BRCA1: variants seen among roughly 807,000 people sequenced by gnomAD.
BRCA1 encodes BRCA1 DNA repair associated, also known as breast cancer type 1 susceptibility protein.
A neutral mutation model predicts 173.7 loss-of-function variants in BRCA1; 140 were observed. That is an observed-to-expected ratio of 0.81 (90% CI 0.70 to 0.93). The LOEUF is 0.93. Ranked by LOEUF, BRCA1 falls within the 40% of genes least tolerant of loss-of-function variation. The probability of loss-of-function intolerance (pLI) is 0.00; values close to 1 mark genes in which losing one functional copy is unlikely to be tolerated. For missense variants in BRCA1, 1,983 were observed against 2,172.5 expected (o/e 0.91, Z 1.73); for synonymous variants, 662 against 756.0 (o/e 0.88, Z 2.04).
At position 43,093,569 on chromosome 17, in the gene BRCA1, CTTTT is replaced by C. The variant is rs80357522; in HGVS notation, c.1958_1961del (p.Lys653SerfsTer47). On this transcript the variant is annotated frameshift_variant, in exon 10 of 23. Coordinates refer to ENST00000357654, the MANE Select transcript of BRCA1 (RefSeq NM_007294.4). LOFTEE classifies it high-confidence loss of function. ...TGTGCCTGACTGGCATTTGGTTGTA[CTTTT>C]TTTTCTTTATCTCTTCACTGCTAGA... 6.2e-7 allele frequency: 1 copy of C among 1,613,678 alleles called. No individual in the cohort carries two copies. The highest frequency in any genetic ancestry group is 1.3e-5 in the African/African-American group (1 of 74,876).
chr17:43,091,000 T>C lies in BRCA1; in HGVS notation c.4129A>G (p.Ser1377Gly), dbSNP rs730881491. Residue 1377 changes from serine (S) to glycine (G), a missense_variant, in exon 11 of 23, where the codon AGC becomes GGC. Ser to Gly is a moderately conservative substitution (Grantham distance 56). Coordinates refer to ENST00000357654, the MANE Select transcript of BRCA1 (RefSeq NM_007294.4). ...EAASGCESET[S>G]VSEDCSGLSS... ...AGCCCTGAGCAGTCTTCAGAGACGCTTGTTTCACTCTCACACCCAGATGCT... is the reference window on the plus strand; with the variant it reads ...AGCCCTGAGCAGTCTTCAGAGACGCCTGTTTCACTCTCACACCCAGATGCT... 2.5e-6 allele frequency: 4 copies of C among 1,612,854 alleles called. No homozygotes were observed. In the African/African-American group the frequency reaches 5.3e-5, roughly 22 times the overall value.
chr17:43,128,815 C>T (rs1014611999), upstream of BRCA1, among the ~76,000 whole-genome samples: 2 of 133,354 alleles, frequency 1.5e-5, no homozygotes, highest in Non-Finnish European at 3.1e-5. Flanking sequence ...TTTCAGGCCA[C>T]ACTTTTTTTT....
chr17:43,070,781 A>G (rs1204841697), intron 15 of BRCA1, 147 bp downstream of exon 15: 7 of 926,916 alleles, frequency 7.6e-6, no homozygotes, highest in Non-Finnish European at 1.1e-5. Flanking sequence ...ATTTTCAGAA[A>G]TTAGTAATCG....
chr17:43,099,335 A>T (rs775090053), intron 7 of BRCA1, among the ~76,000 whole-genome samples: 16 of 148,136 alleles, frequency 1.1e-4, no homozygotes, highest in Non-Finnish European at 2.1e-4. Context: ...CAATGGTGCG[A>T]TCTCGGTTCA....
At position 43,092,115 on chromosome 17, in the gene BRCA1, C is replaced by A. The variant is rs80357228; in HGVS notation, c.3416G>T (p.Ser1139Ile). Residue 1139 changes from serine to isoleucine, a missense_variant, in exon 10 of 23, where the codon AGT (serine) becomes ATT (isoleucine). Physicochemically the swap from Ser to Ile is moderately radical, Grantham distance 142. Transcript: ENST00000357654. ...ISDNLEQPMG[S>I]SHASQVCSET... Reference sequence around the variant, plus strand: ...AGAACAAACCTGAGATGCATGACTACTTCCCATAGGCTGTTCTAAGTTATC... The same window carrying A: ...AGAACAAACCTGAGATGCATGACTAATTCCCATAGGCTGTTCTAAGTTATC... 17 of 1,613,920 alleles carry A rather than the reference C, an allele frequency of 1.1e-5. No individual in the cohort carries two copies. Among genetic ancestry groups the A allele is most frequent in the Non-Finnish European group, 1.3e-5 (15 of 1,179,954 alleles).
intron 13 of BRCA1, among the ~76,000 whole-genome samples, chr17:43,075,166 C>A (rs552699049): frequency 6.6e-6 from 1 of 152,224 alleles, no homozygotes; most frequent in East Asian, 1.9e-4. Flanking sequence ...ACTCTATACA[C>A]AATATTCTAC....
chr17:43,113,102 C>G (rs914717537), intron 3 of BRCA1, among the ~76,000 whole-genome samples: 3 of 152,100 alleles, frequency 2.0e-5, no homozygotes, highest in African/African-American at 4.8e-5. Flanking sequence ...CGTGCCCGGC[C>G]TCAACAGCTG....
At position 43,092,721 on chromosome 17, in the gene BRCA1, T is replaced by G; in HGVS notation, c.2810A>C (p.Lys937Thr). The stretch of plus-strand genomic sequence containing the variant: ...ACTACATTTGGCATTATCAACTGGC[T>G]TATCTTTCTGACCAACCACAGGAAA... ...AGFPVVGQKD[K>T]PVDNAKCSIK... The change falls in exon 10 of 23, where the codon AAG (lysine) becomes ACG (threonine). Residue 937 changes from lysine (K) to threonine (T), a missense_variant. Coordinates refer to ENST00000357654, the MANE Select transcript of BRCA1 (RefSeq NM_007294.4). 6.2e-7 allele frequency: 1 copy of G among 1,614,170 alleles called. No individual in the cohort carries two copies. Among genetic ancestry groups the G allele is most frequent in the Non-Finnish European group, 8.5e-7 (1 of 1,180,014 alleles).
At chr17:43,098,104 A>G (rs1169540677) in intron 7 of BRCA1, among the ~76,000 whole-genome samples, 1 of 148,958 alleles carries the variant, frequency 6.7e-6, no homozygotes, top group Non-Finnish European at 1.5e-5. Flanking sequence ...AGCTCACTAC[A>G]GCCTCAAACT....
At chr17:43,168,066 T>G (rs1251378648) in intron 1 of BRCA1, 1 of 208,144 alleles carries the variant, frequency 4.8e-6, no homozygotes, top group Non-Finnish European at 1.0e-5. Flanking sequence ...CTAATCTTAT[T>G]AGACATGTCT....
intron 3 of BRCA1, among the ~76,000 whole-genome samples, chr17:43,111,203 CTTTT>C (rs1268592734): frequency 6.6e-6 from 1 of 151,694 alleles, no homozygotes; most frequent in African/African-American, 2.4e-5. Flanking sequence ...GTATTATTAT[CTTTT>C]TTTATAGGCT....
intron 1 of BRCA1, among the ~76,000 whole-genome samples, chr17:43,150,390 A>G (rs1362838040): frequency 6.6e-6 from 1 of 152,156 alleles, no homozygotes; most frequent in Non-Finnish European, 1.5e-5. Context: ...GTGAGCCACT[A>G]GGCCCAGCCT....
At position 43,093,339 on chromosome 17, in the gene BRCA1, T is replaced by C. The variant is rs1415985638; in HGVS notation, c.2192A>G (p.Lys731Arg). The C allele has an allele frequency of 6.2e-7, 1 of 1,613,458 alleles. No homozygotes were observed. The highest frequency in any genetic ancestry group is 8.5e-7 in the Non-Finnish European group (1 of 1,179,850). The change falls in exon 10 of 23, where the codon AAA becomes AGA. Residue 731 changes from lysine (K) to arginine (R), a missense_variant. Lys to Arg is a conservative substitution (Grantham distance 26). Transcript: ENST00000357654. ...FVNPSLPREEKEEKLETVKVS... is the reference protein window; with the variant it reads ...FVNPSLPREEREEKLETVKVS... ...TTTAACTGTTTCTAGTTTCTCTTCT[T>C]TTTCTTCTCTTGGAAGGCTAGGATT... is the stretch of plus-strand genomic sequence containing the variant.
At chr17:43,127,214 G>A (rs908789547), upstream of BRCA1, among the ~76,000 whole-genome samples, 3 of 152,236 alleles carry the variant, frequency 2.0e-5, no homozygotes, top group South Asian at 2.1e-4. Context: ...GCAGGCGCCC[G>A]GCACAGCCCT....
intron 1 of BRCA1, among the ~76,000 whole-genome samples, chr17:43,136,625 G>T (rs1343958018): frequency 6.6e-6 from 1 of 152,116 alleles, no homozygotes; most frequent in Non-Finnish European, 1.5e-5. Context: ...GTGGGCAAAG[G>T]ATATGAGCAG....
rs879254165 is a variant in BRCA1, at chr17:43,093,507, GCAGGTT to G, written c.2018_2023del (p.Glu673_Pro674del). On this transcript the variant is annotated inframe_deletion, in exon 10 of 23. Coordinates refer to ENST00000357654, the MANE Select transcript of BRCA1 (RefSeq NM_007294.4). The stretch of plus-strand genomic sequence containing the variant: ...CTTGTTACTCTTCTTGGCTCCAGTT[GCAGGTT>G]CTTTACCTTCCATGAGTTGTAGGTT... The G allele has an allele frequency of 1.2e-6, 2 of 1,614,004 alleles. No individual in the cohort carries two copies. The highest frequency in any genetic ancestry group is 1.7e-5 in the Admixed American group (1 of 59,994).
At chr17:43,054,036 C>G (rs1017147855) in intron 19 of BRCA1, among the ~76,000 whole-genome samples, 1 of 151,806 alleles carries the variant, frequency 6.6e-6, no homozygotes, top group Non-Finnish European at 1.5e-5. Context: ...GAGAAAAATA[C>G]TATGGTGACA....
intron 3 of BRCA1, among the ~76,000 whole-genome samples, chr17:43,107,429 G>A (rs1306157429): frequency 1.4e-5 from 2 of 143,650 alleles, no homozygotes; most frequent in South Asian, 2.2e-4. Flanking sequence ...CACCCAGGCT[G>A]GAGGGTAGTG....
rs2152367567 is a variant in BRCA1 at position 43,045,130 on chromosome 17, C to G, written c.*548G>C. 1.9e-6 allele frequency: 1 copy of G among 534,412 alleles called. No homozygotes were observed. The highest frequency in any genetic ancestry group is 3.6e-6 in the Non-Finnish European group (1 of 276,466). 33.1% of individuals were successfully genotyped at this position (534,412 alleles called of 1,614,324 possible). On this transcript the variant is annotated 3_prime_UTR_variant, in exon 23 of 23. Transcript: ENST00000357654. ...TCAAGTTTCCTTTTCATTTCTAATA[C>G]CTGCCTCAGAATTTCCTCCCCAATG...
Sources: gnomAD v4.1 joint callset for allele counts (sites outside exome capture counted in the v4.1 genomes callset) on GRCh38, gnomAD v4.1.1 for gene constraint, MANE v1.5 for transcripts, NCBI Gene and HGNC (gene_info 2026-07-23, HGNC 2026-07-21) for gene names.